NOB1: variants seen among roughly 807,000 people sequenced by gnomAD.
The protein encoded by NOB1 is NIN1 (RPN12) binding protein 1 homolog, also known as RNA-binding protein NOB1.
NOB1 carries 44 observed loss-of-function variants against 44.8 expected under a neutral mutation model. The observed-to-expected ratio is 0.98, with a 90% CI of 0.77 to 1.26. The LOEUF (loss-of-function observed/expected upper bound fraction) is 1.26. NOB1 is among the 50% of genes most tolerant of loss of function. The pLI is 0.00. For synonymous variants in NOB1, 238 were observed against 218.7 expected (o/e 1.09, Z -0.78); for missense variants, 560 against 544.8 (o/e 1.03, Z -0.28).
At chr16:69,745,608 G>A (rs956211844) in intron 7 of NOB1, among the ~76,000 whole-genome samples, 6 of 152,186 alleles carry the variant, frequency 3.9e-5, no homozygotes, top group Non-Finnish European at 8.8e-5. Flanking sequence ...AACTAAGCCC[G>A]GGCACTGAGT....
chr16:69,749,508 T>G, intron 4 of NOB1, 51 bp downstream of exon 4: 1 of 1,563,118 alleles, frequency 6.4e-7, no homozygotes, highest in Non-Finnish European at 8.8e-7. Flanking sequence ...TAGAGAGATG[T>G]GACATGTTTC....
chr16:69,751,753 G>C (rs1325205782), intron 3 of NOB1, among the ~76,000 whole-genome samples: 1 of 152,156 alleles, frequency 6.6e-6, no homozygotes, highest in Non-Finnish European at 1.5e-5. Context: ...AGTATACGAT[G>C]TCTGAGTTTA....
intron 2 of NOB1, among the ~76,000 whole-genome samples, chr16:69,754,315 T>C (rs1342458310): frequency 6.6e-6 from 1 of 152,238 alleles, no homozygotes. Context: ...ATTCCTCAGT[T>C]CATGCTCACA....
chr16:69,744,901 G>A lies in NOB1; in HGVS notation c.941C>T (p.Pro314Leu), dbSNP rs756136944. ...GTLHMHFSRN[P>L]KVLNPRGLRY... ...GAGGCCGCGGGGGTTCAGCACCTTG[G>A]GGTTGCGGGAGAAGTGCATGTGCAG... Residue 314 changes from proline (P) to leucine (L), a missense_variant, in exon 8 of 9, where the codon CCC becomes CTC. By Grantham distance (98) the Pro-to-Leu change is moderately conservative. Coordinates refer to ENST00000268802, the MANE Select transcript of NOB1 (RefSeq NM_014062.3). 16 of 1,613,912 alleles carry A rather than the reference G, an allele frequency of 9.9e-6. No individual in the cohort carries two copies. The highest frequency in any genetic ancestry group is 1.3e-5 in the Non-Finnish European group (15 of 1,180,010).
At position 69,749,336 on chromosome 16, in the gene NOB1, A is replaced by G. The variant is rs376673166; in HGVS notation, c.402T>C (p.Pro134=). ...CTTTTTCTGTTTCTTGTGGGGGTTT[A>G]GGCTGAAATTAAAAGAAACAATTTT... ...HISGFHLPYK[P]KPPQETEKGH... Residue 134 remains proline (P), a splice_region_variant and synonymous_variant, in exon 5 of 9, where the codon CCT becomes CCC. Transcript: ENST00000268802. The G allele has an allele frequency of 3.2e-6, 5 of 1,584,232 alleles. No homozygotes were observed. Among genetic ancestry groups the G allele is most frequent in the Non-Finnish European group, 4.3e-6 (5 of 1,171,816 alleles).
intron 3 of NOB1, among the ~76,000 whole-genome samples, chr16:69,749,905 G>A (rs1396005628): frequency 1.3e-5 from 2 of 151,436 alleles, no homozygotes; most frequent in Non-Finnish European, 2.9e-5. Flanking sequence ...TTGAAACCGG[G>A]AGGCGGAGGT....
In NOB1 at chr16:69,752,351, T is replaced by A; in HGVS notation, c.217A>T (p.Thr73Ser). 6.2e-7 allele frequency: 1 copy of A among 1,613,218 alleles called. No individual in the cohort carries two copies. The highest frequency in any genetic ancestry group is 8.5e-7 in the Non-Finnish European group (1 of 1,179,234). The change falls in exon 3 of 9, where the codon ACA becomes TCA. Residue 73 changes from threonine to serine, a missense_variant. Transcript: ENST00000268802. ...GCAGAGAGGCTGGGGTAGTCTCCTG[T>A]TTTCTTTGAAAACTCAGTCACTGTA... ...VRLVTEFSKK[T>S]GDYPSLSATD...
intron 7 of NOB1, among the ~76,000 whole-genome samples, chr16:69,748,003 T>C (rs1029309440): frequency 6.6e-6 from 1 of 151,980 alleles, no homozygotes; most frequent in Non-Finnish European, 1.5e-5. Flanking sequence ...ACTAAAAACA[T>C]ACAGAAATTA....
At position 69,754,899 on chromosome 16, in the gene NOB1, C is replaced by T. The variant is rs1408887780; in HGVS notation, c.12G>A (p.Val4=). The T allele has an allele frequency of 1.9e-6, 3 of 1,588,644 alleles. No individual in the cohort carries two copies. The highest frequency in any genetic ancestry group is 2.3e-5 in the East Asian group (1 of 43,786). Residue 4 remains valine (V), a synonymous_variant, in exon 1 of 9, where the codon GTG becomes GTA. Transcript: ENST00000268802. MAP[V]EHVVADAGAF... is the part of the protein sequence containing the mutation. ...CCCCAGCATCCGCCACAACGTGCTCCACTGGAGCCATGTTGGCTGCGTGAG... is the reference window on the plus strand; with the variant it reads ...CCCCAGCATCCGCCACAACGTGCTCTACTGGAGCCATGTTGGCTGCGTGAG...
At position 69,749,513 on chromosome 16, in the gene NOB1, T is replaced by C. The variant is rs895142793; in HGVS notation, c.399+46A>G. The C allele has an allele frequency of 3.2e-6, 5 of 1,568,454 alleles. No homozygotes were observed. The African/African-American group carries it at 4.1e-5, about 13-fold the overall frequency. The stretch of plus-strand genomic sequence containing the variant: ...AGAGATGACTTAGAGAGATGTGACA[T>C]GTTTCAGAAAAGAGCATGAACGGCC... On this transcript the variant is annotated intron_variant, in intron 4 of 8. Coordinates refer to ENST00000268802, the MANE Select transcript of NOB1 (RefSeq NM_014062.3).
At chr16:69,750,152 C>T (rs577503479) in intron 3 of NOB1, among the ~76,000 whole-genome samples, 2 of 151,522 alleles carry the variant, frequency 1.3e-5, no homozygotes, top group South Asian at 2.1e-4. Context: ...TACAGGTGTG[C>T]GCCACCATGC....
chr16:69,749,391 C>T, intron 4 of NOB1, 53 bp from the exon 5 acceptor site: 2 of 1,579,850 alleles, frequency 1.3e-6, no homozygotes, highest in Non-Finnish European at 1.7e-6. Context: ...GTAGCCACCT[C>T]TCAGGTCACA....
rs543363252 is a variant in NOB1 at position 69,754,221 on chromosome 16, T to C, written c.196+373A>G. Among the ~76,000 whole-genome samples, 11 of 152,356 alleles carry C rather than the reference T, an allele frequency of 7.2e-5. No homozygotes were observed. The East Asian group carries it at 7.7e-4, about 11-fold the overall frequency. ...ACTGAAAAGAAATGGACGAGAGTAA[T>C]AGCAAGAGATCCAAACTCTTATTTT... On this transcript the variant is annotated intron_variant, in intron 2 of 8. Transcript: ENST00000268802.
chr16:69,752,352 T>C lies in NOB1; in HGVS notation c.216A>G (p.Lys72=), dbSNP rs1365896720. ...CAGAGAGGCTGGGGTAGTCTCCTGT[T>C]TTCTTTGAAAACTCAGTCACTGTAA... ...YVRLVTEFSK[K]TGDYPSLSAT... is the part of the protein sequence containing the mutation. The change falls in exon 3 of 9, where the codon AAA becomes AAG. Residue 72 remains lysine, a synonymous_variant. Coordinates refer to ENST00000268802, the MANE Select transcript of NOB1 (RefSeq NM_014062.3). 19 of 1,613,192 alleles carry C rather than the reference T, an allele frequency of 1.2e-5. No individual in the cohort carries two copies. Among genetic ancestry groups the C allele is most frequent in the African/African-American group, 1.3e-5 (1 of 74,916 alleles).
At chr16:69,753,923 A>T (rs2038502898) in intron 2 of NOB1, among the ~76,000 whole-genome samples, 1 of 152,130 alleles carries the variant, frequency 6.6e-6, no homozygotes, top group South Asian at 2.1e-4. Context: ...CTCCTGCCTC[A>T]GCCTCCCAAG....
rs749151517 is a variant in NOB1, at chr16:69,742,542, A to G, written c.1029T>C (p.Asp343=). Residue 343 remains aspartate (D), a synonymous_variant, in exon 9 of 9, where the codon GAT becomes GAC. Coordinates refer to ENST00000268802, the MANE Select transcript of NOB1 (RefSeq NM_014062.3). ...AGAGTCGCAGCTGAGGGAAGCGCTG[A>G]TCCTCGGTGAGATGGGGGTTGATGG... The part of the protein sequence containing the change: ...KYAINPHLTE[D]QRFPQLRLSQ... 13 of 1,614,092 alleles carry G rather than the reference A, an allele frequency of 8.1e-6. No individual in the cohort carries two copies. The highest frequency in any genetic ancestry group is 1.1e-5 in the Non-Finnish European group (13 of 1,180,012).
At chr16:69,746,470 A>T (rs2038431983) in intron 7 of NOB1, among the ~76,000 whole-genome samples, 1 of 152,254 alleles carries the variant, frequency 6.6e-6, no homozygotes, top group Non-Finnish European at 1.5e-5. Context: ...AACCAACTCA[A>T]GAGTCAGAAA....
chr16:69,744,889 T>C lies in NOB1; in HGVS notation c.953A>G (p.Asn318Ser), dbSNP rs750581436. 1.2e-6 allele frequency: 2 copies of C among 1,613,392 alleles called. No homozygotes were observed. Among genetic ancestry groups the C allele is most frequent in the South Asian group, 1.1e-5 (1 of 91,024 alleles). ...GCCACTCACCCGGAGGCCGCGGGGG[T>C]TCAGCACCTTGGGGTTGCGGGAGAA... ...MHFSRNPKVL[N>S]PRGLRYSLPT... Residue 318 changes from asparagine (N) to serine (S), a missense_variant, in exon 8 of 9, where the codon AAC becomes AGC. Transcript: ENST00000268802.
intron 3 of NOB1, among the ~76,000 whole-genome samples, chr16:69,751,975 G>T (rs1043941071): frequency 3.3e-5 from 5 of 151,978 alleles, no homozygotes; most frequent in African/African-American, 1.2e-4. Flanking sequence ...TGAGGCAAGA[G>T]AATCGCTTGA....
Sources: allele counts gnomAD v4.1 joint callset (sites outside exome capture counted in the v4.1 genomes callset), GRCh38; gene constraint gnomAD v4.1.1; transcripts MANE v1.5; gene names NCBI Gene and HGNC (gene_info 2026-07-23, HGNC 2026-07-21).